ITGA8: variants seen among roughly 807,000 people sequenced by gnomAD.
ITGA8 encodes integrin subunit alpha 8, also known as integrin alpha-8.
A neutral mutation model predicts 142.3 loss-of-function variants in ITGA8; 91 were observed. The observed-to-expected ratio is 0.64, with a 90% CI of 0.54 to 0.76. The LOEUF (loss-of-function observed/expected upper bound fraction) is 0.76, where lower values mean the gene tolerates loss of function less well. Ranked by LOEUF, ITGA8 falls within the 30% of genes least tolerant of loss-of-function variation. The pLI is 0.00. For synonymous variants in ITGA8, 505 were observed against 485.2 expected (o/e 1.04, Z -0.54); for missense variants, 1,406 against 1,327.7 (o/e 1.06, Z -0.92).
At chr10:15,653,577 A>G (rs1334082605) in intron 11 of ITGA8, among the ~76,000 whole-genome samples, 6 of 152,162 alleles carry the variant, frequency 3.9e-5, no homozygotes, top group Admixed American at 3.9e-4. Context: ...TAACAAATAT[A>G]TAAGGACACA....
chr10:15,688,709 C>A (rs867470511), intron 2 of ITGA8, among the ~76,000 whole-genome samples: 43 of 152,286 alleles, frequency 2.8e-4, no homozygotes, highest in Middle Eastern at 6.8e-3. Context: ...CAAATCAATA[C>A]ACGTGCTACC....
chr10:15,708,795 T>A (rs1230656258), intron 2 of ITGA8, among the ~76,000 whole-genome samples: 2 of 152,192 alleles, frequency 1.3e-5, no homozygotes, highest in Non-Finnish European at 2.9e-5. Context: ...AGGTGGAAGC[T>A]GTAGCAGACA....
At chr10:15,668,094 G>T (rs1331471711) in intron 8 of ITGA8, among the ~76,000 whole-genome samples, 3 of 152,140 alleles carry the variant, frequency 2.0e-5, no homozygotes, top group African/African-American at 7.2e-5. Context: ...CTGTCTATTT[G>T]ATCTGTCTAA....
At chr10:15,679,436 G>T (rs1834694731) in intron 4 of ITGA8, among the ~76,000 whole-genome samples, 1 of 152,084 alleles carries the variant, frequency 6.6e-6, no homozygotes, top group South Asian at 2.1e-4. Flanking sequence ...ACAAAAATTA[G>T]CTGGGCATGG....
Position 15,517,208 on chromosome 10 carries a change from C to T in ITGA8, c.3142G>A (p.Asp1048Asn). 1 of 1,613,464 alleles carries T rather than the reference C, an allele frequency of 6.2e-7. No individual in the cohort carries two copies. Among genetic ancestry groups the T allele is most frequent in the Non-Finnish European group, 8.5e-7 (1 of 1,179,656 alleles). The change falls in exon 30 of 30, where the codon GAC (aspartate) becomes AAC (asparagine). Residue 1048 changes from aspartate (D) to asparagine (N), a missense_variant. Physicochemically the swap from Asp to Asn is conservative, Grantham distance 23. Coordinates refer to ENST00000378076, the MANE Select transcript of ITGA8 (RefSeq NM_003638.3). ...GTCAGCTGTTCCCTGTCGGTCATGTCCTCCTGAGGAGGTCTGGCTCTGTCA... is the reference window on the plus strand; with the variant it reads ...GTCAGCTGTTCCCTGTCGGTCATGTTCTCCTGAGGAGGTCTGGCTCTGTCA... ...FFDRARPPQE[D>N]MTDREQLTND...
intron 3 of ITGA8, among the ~76,000 whole-genome samples, chr10:15,684,579 C>T (rs1032977070): frequency 4.6e-5 from 7 of 152,036 alleles, no homozygotes; most frequent in South Asian, 2.1e-4. Flanking sequence ...TATTATGTTG[C>T]TCCAACTGGT....
rs1834511927 is a variant in ITGA8 at position 15,671,285 on chromosome 10, C to G, written c.847+318G>C. On this transcript the variant is annotated intron_variant, in intron 8 of 29. Transcript: ENST00000378076. ...TGAGAGGTACTAGAAATGAAGGGAT[C>G]TTAATTTCACAAATTTGATCTGTCA... is the stretch of plus-strand genomic sequence containing the variant. Among the ~76,000 whole-genome samples the G allele has an allele frequency of 2.0e-5, 3 of 152,086 alleles. No individual in the cohort carries two copies. In the South Asian group the frequency reaches 6.2e-4, roughly 32 times the overall value.
At chr10:15,668,023 T>G (rs929631252) in intron 8 of ITGA8, among the ~76,000 whole-genome samples, 4 of 152,240 alleles carry the variant, frequency 2.6e-5, no homozygotes, top group African/African-American at 7.2e-5. Context: ...GTTCTGTAGA[T>G]GTCTATTAGG....
intron 23 of ITGA8, among the ~76,000 whole-genome samples, chr10:15,584,053 T>C (rs1834465932): frequency 6.6e-6 from 1 of 152,186 alleles, no homozygotes; most frequent in Non-Finnish European, 1.5e-5. Context: ...TCCCAGCACT[T>C]TGGGAGACCA....
intron 2 of ITGA8, among the ~76,000 whole-genome samples, chr10:15,718,365 C>T (rs1835493027): frequency 6.6e-6 from 1 of 152,178 alleles, no homozygotes; most frequent in Non-Finnish European, 1.5e-5. Context: ...CGAGCTTGGG[C>T]ACTGGAAACG....
chr10:15,642,299 T>G (rs754805095), intron 13 of ITGA8, among the ~76,000 whole-genome samples: 5 of 152,194 alleles, frequency 3.3e-5, no homozygotes, highest in Non-Finnish European at 7.3e-5. Flanking sequence ...GGGACGTGTT[T>G]AGCCTTGGAA....
chr10:15,694,280 C>T lies in ITGA8; in HGVS notation c.344-6242G>A, dbSNP rs28593381. ...CATATACATCAGATAATATATCATA[C>T]ATCAGATAATATATCATATATATGA... On this transcript the variant is annotated intron_variant, in intron 2 of 29. Transcript: ENST00000378076. Among the ~76,000 whole-genome samples the T allele has an allele frequency of 1.0e-4, 10 of 98,734 alleles. 1 individual carries two copies. The highest frequency in any genetic ancestry group is 3.2e-4 in the African/African-American group (9 of 28,382). 64.8% of individuals were successfully genotyped at this position (98,734 alleles called of 152,430 possible).
chr10:15,689,509 T>C (rs1834894247), intron 2 of ITGA8, among the ~76,000 whole-genome samples: 1 of 152,132 alleles, frequency 6.6e-6, no homozygotes, highest in Non-Finnish European at 1.5e-5. Context: ...ACCTGCAGTC[T>C]TTGCTTCGGG....
chr10:15,677,983 G>A (rs567859395), intron 5 of ITGA8, among the ~76,000 whole-genome samples: 4 of 152,204 alleles, frequency 2.6e-5, no homozygotes, highest in South Asian at 4.1e-4. Context: ...TTGAGCCTTC[G>A]TGATAGAAAT....
At chr10:15,668,610 A>G (rs1209621604) in intron 8 of ITGA8, among the ~76,000 whole-genome samples, 1 of 152,142 alleles carries the variant, frequency 6.6e-6, no homozygotes, top group African/African-American at 2.4e-5. Context: ...GTTTCTTCCT[A>G]GCCTGGATGG....
At chr10:15,649,657 C>G (rs894795684) in intron 11 of ITGA8, among the ~76,000 whole-genome samples, 9 of 150,230 alleles carry the variant, frequency 6.0e-5, no homozygotes, top group African/African-American at 2.2e-4. Context: ...TGAATGGACA[C>G]CTCATCAAAA....
At chr10:15,599,252 A>T (rs145555775) in intron 20 of ITGA8, among the ~76,000 whole-genome samples, 1 of 152,218 alleles carries the variant, frequency 6.6e-6, no homozygotes, top group East Asian at 1.9e-4. Context: ...AATAAGAGGA[A>T]CAATGACTTT....
intron 27 of ITGA8, among the ~76,000 whole-genome samples, chr10:15,536,082 G>A (rs1295800255): frequency 6.6e-6 from 1 of 151,884 alleles, no homozygotes; most frequent in Non-Finnish European, 1.5e-5. Flanking sequence ...AACATCAGAA[G>A]GAACAAACTC....
At chr10:15,655,333 G>A (rs368022668) in intron 11 of ITGA8, 21 bp downstream of exon 11, 64 of 1,464,910 alleles carry the variant, frequency 4.4e-5, no homozygotes, top group Non-Finnish European at 5.8e-5. Flanking sequence ...TATTGTATAT[G>A]AGAGAGGTCT....
Sources: allele counts gnomAD v4.1 joint callset (sites outside exome capture counted in the v4.1 genomes callset), GRCh38; gene constraint gnomAD v4.1.1; transcripts MANE v1.5; gene names NCBI Gene and HGNC (gene_info 2026-07-23, HGNC 2026-07-21).